VSIG10: variants seen among roughly 807,000 people sequenced by gnomAD.
The protein encoded by VSIG10 is V-set and immunoglobulin domain containing 10, also known as V-set and immunoglobulin domain-containing protein 10.
A neutral mutation model predicts 58.7 loss-of-function variants in VSIG10; 48 were observed. The observed-to-expected ratio is 0.82, with a 90% confidence interval of 0.65 to 1.04. The LOEUF is 1.04. Ranked by LOEUF, VSIG10 falls within the 50% of genes least tolerant of loss-of-function variation. VSIG10 has a pLI of 0.00. For missense variants in VSIG10, 628 were observed against 670.0 expected (o/e 0.94, Z 0.69); for synonymous variants, 260 against 267.1 (o/e 0.97, Z 0.26).
In VSIG10 at chr12:118,071,210, C is replaced by A. The variant is rs949143398; in HGVS notation, c.1331-143G>T. 7 of 1,177,002 alleles carry A rather than the reference C, an allele frequency of 5.9e-6. No homozygotes were observed. In the East Asian group the frequency reaches 1.8e-4, roughly 30 times the overall value. The allele number at this position is 1,177,002 out of a possible 1,614,324, so 72.9% of individuals were successfully genotyped here. On this transcript the variant is annotated intron_variant, in intron 6 of 8. Coordinates refer to ENST00000359236, the MANE Select transcript of VSIG10 (RefSeq NM_019086.6). Reference sequence around the variant, plus strand: ...GGTGATAGGGTGTCCCGGGATGGTACTTAGGTGACTTATTACTGTGTATCT... The same window carrying A: ...GGTGATAGGGTGTCCCGGGATGGTAATTAGGTGACTTATTACTGTGTATCT...
At chr12:118,086,747 A>G (rs2033139661) in intron 2 of VSIG10, among the ~76,000 whole-genome samples, 2 of 152,202 alleles carry the variant, frequency 1.3e-5, no homozygotes, top group South Asian at 4.1e-4. Context: ...TATTTGTTTA[A>G]TCAATTTATT....
At position 118,095,098 on chromosome 12, in the gene VSIG10, T is replaced by C. The variant is rs2033409589; in HGVS notation, c.361+435A>G. Among the ~76,000 whole-genome samples, 3 of 152,294 alleles carry C rather than the reference T, an allele frequency of 2.0e-5. No individual in the cohort carries two copies. The South Asian group carries it at 6.2e-4, about 32-fold the overall frequency. On this transcript the variant is annotated intron_variant, in intron 2 of 8. Transcript: ENST00000359236. ...TTTTATATTTTTAATAGAGATGGGG[T>C]TTCACCATGTTAGCCAAGATGGTCT...
intron 4 of VSIG10, among the ~76,000 whole-genome samples, chr12:118,074,481 A>T (rs998607304): frequency 7.3e-6 from 1 of 137,086 alleles, no homozygotes; most frequent in Non-Finnish European, 1.6e-5. Context: ...GAAATGAACA[A>T]TTTTTTTTTT....
intron 1 of VSIG10, among the ~76,000 whole-genome samples, chr12:118,096,578 C>A (rs1253371145): frequency 1.2e-3 from 139 of 116,638 alleles, no homozygotes; most frequent in Non-Finnish European, 1.2e-3. Flanking sequence ...AACTCCGTCT[C>A]AAAAAAAAAA....
chr12:118,096,458 A>G (rs1452781278), intron 1 of VSIG10, among the ~76,000 whole-genome samples: 1 of 151,738 alleles, frequency 6.6e-6, no homozygotes, highest in African/African-American at 2.4e-5. Flanking sequence ...CATGCCTGTA[A>G]TCCCAGCTAC....
chr12:118,066,516 C>A lies in VSIG10; in HGVS notation c.*123G>T. ...GCTTGGTTTTGTTTTTTGCTGAGAC[C>A]CAAACATTGTTAGTGCAAGCCCCCG... On this transcript the variant is annotated 3_prime_UTR_variant, in exon 9 of 9. Transcript: ENST00000359236. The A allele has an allele frequency of 9.7e-7, 1 of 1,026,800 alleles. No homozygotes were observed. The highest frequency in any genetic ancestry group is 1.5e-6 in the Non-Finnish European group (1 of 658,278). The allele number at this position is 1,026,800 out of a possible 1,614,324, so 63.6% of individuals were successfully genotyped here. A position where few individuals can be genotyped will look rare whatever the true frequency, so the allele number is the denominator to read the frequency against.
intron 2 of VSIG10, among the ~76,000 whole-genome samples, chr12:118,090,153 A>C (rs986176905): frequency 6.6e-6 from 1 of 152,112 alleles, no homozygotes; most frequent in Non-Finnish European, 1.5e-5. Context: ...CTTTCTACGA[A>C]AAATACAAAA....
At chr12:118,071,307 G>T (rs575356555) in intron 6 of VSIG10, 52 bp downstream of exon 6, 1 of 1,544,990 alleles carries the variant, frequency 6.5e-7, no homozygotes, top group African/African-American at 1.4e-5. Context: ...TCCCCATCCC[G>T]CACCTTTTCA....
chr12:118,086,901 C>T (rs1002467612), intron 2 of VSIG10, among the ~76,000 whole-genome samples: 18 of 152,214 alleles, frequency 1.2e-4, no homozygotes, highest in Admixed American at 1.0e-3. Context: ...GCTGAGATGA[C>T]AGGCGTGTGT....
At chr12:118,080,414 C>A (rs547539547) in intron 3 of VSIG10, among the ~76,000 whole-genome samples, 62 of 152,186 alleles carry the variant, frequency 4.1e-4, no homozygotes, top group African/African-American at 1.4e-3. Context: ...CCTGCCTCGG[C>A]CTCCCAAAGC....
At chr12:118,103,299 C>A (rs1034778352) in intron 1 of VSIG10, 3 of 343,340 alleles carry the variant, frequency 8.7e-6, no homozygotes, top group Non-Finnish European at 1.6e-5. Context: ...TCCCGGCACA[C>A]GTGCCTCTTT....
At chr12:118,067,286 A>G (rs1243694545) in intron 8 of VSIG10, among the ~76,000 whole-genome samples, 2 of 152,112 alleles carry the variant, frequency 1.3e-5, no homozygotes, top group African/African-American at 4.8e-5. Context: ...GGCCTCCCAA[A>G]GTGCTGGGAT....
At chr12:118,079,739 C>T in intron 3 of VSIG10, 133 bp from the exon 4 acceptor site, 1 of 1,272,674 alleles carries the variant, frequency 7.9e-7, no homozygotes, top group Non-Finnish European at 1.1e-6. Context: ...CTAATAGCTC[C>T]TAGCACAAAT....
chr12:118,077,348 C>T (rs919074322), intron 4 of VSIG10, among the ~76,000 whole-genome samples: 1 of 152,148 alleles, frequency 6.6e-6, no homozygotes, highest in African/African-American at 2.4e-5. Flanking sequence ...TCCCTGCCAC[C>T]CTAGGAAAAG....
chr12:118,070,373 C>G (rs1342216083), intron 7 of VSIG10, among the ~76,000 whole-genome samples: 1 of 151,726 alleles, frequency 6.6e-6, no homozygotes, highest in East Asian at 1.9e-4. Flanking sequence ...CATGGTGAAA[C>G]CCTGTCTCTA....
At chr12:118,082,626 T>G (rs1272243947) in intron 2 of VSIG10, among the ~76,000 whole-genome samples, 197 bp from the exon 3 acceptor site, 1 of 152,104 alleles carries the variant, frequency 6.6e-6, no homozygotes, top group African/African-American at 2.4e-5. Context: ...TGAGACTTTT[T>G]TAGGGGGATA....
chr12:118,090,176 T>C (rs914570244), intron 2 of VSIG10, among the ~76,000 whole-genome samples: 45 of 152,098 alleles, frequency 3.0e-4, no homozygotes, highest in African/African-American at 1.0e-3. Flanking sequence ...TGGCCGAGCA[T>C]GGTGGTGCGA....
At chr12:118,098,445 G>T (rs1306019587) in intron 1 of VSIG10, among the ~76,000 whole-genome samples, 2 of 151,984 alleles carry the variant, frequency 1.3e-5, no homozygotes, top group Non-Finnish European at 2.9e-5. Flanking sequence ...TCTCTCAGAA[G>T]CCCCATGGAA....
chr12:118,103,220 C>A (rs989484878), intron 1 of VSIG10: 2 of 177,346 alleles, frequency 1.1e-5, no homozygotes, highest in African/African-American at 2.4e-5. Context: ...AGTTTGAGCA[C>A]CAGCGTATCA....
Sources: allele counts gnomAD v4.1 joint callset (sites outside exome capture counted in the v4.1 genomes callset), GRCh38; gene constraint gnomAD v4.1.1; transcripts MANE v1.5; gene names NCBI Gene and HGNC (gene_info 2026-07-23, HGNC 2026-07-21).